The following EEA1 variants were observed in gnomAD, a reference collection of about 807,000 sequenced individuals.
EEA1 encodes early endosome antigen 1.
EEA1 carries 111 observed loss-of-function variants against 209.2 expected under a neutral mutation model. The ratio of observed to expected loss-of-function variants is 0.53; its 90% CI spans 0.45 to 0.62. The LOEUF (loss-of-function observed/expected upper bound fraction) is 0.62. Among genes scored for constraint, EEA1 ranks in the 20% least tolerant of loss-of-function variants. EEA1 has a pLI of 0.00. For synonymous variants in EEA1, 536 were observed against 540.6 expected (o/e 0.99, Z 0.12); for missense variants, 1,343 against 1,530.8 (o/e 0.88, Z 2.05).
chr12:92,819,680 T>C (rs898938528), intron 13 of EEA1, among the ~76,000 whole-genome samples, 169 bp from the exon 14 acceptor site: 9 of 152,192 alleles, frequency 5.9e-5, no homozygotes, highest in Non-Finnish European at 1.2e-4. Context: ...GAACTATATA[T>C]TTAATAATAT....
intron 2 of EEA1, chr12:92,884,076 C>G (rs1879278943): frequency 2.3e-6 from 3 of 1,281,028 alleles, no homozygotes; most frequent in Non-Finnish European, 3.4e-6. Flanking sequence ...CAGGTGCCCA[C>G]TTAACTATGA....
In EEA1 at chr12:92,770,912, T is replaced by C. The variant is rs1227954587; in HGVS notation, c.*5099A>G. On this transcript the variant is annotated 3_prime_UTR_variant, in exon 29 of 29. Coordinates refer to ENST00000322349, the MANE Select transcript of EEA1 (RefSeq NM_003566.4). Reference sequence around the variant, plus strand: ...CTGTTGTGAAGTGTACAGATTTTCATAGACATAGTAAGGTATCTGTCTCTT... The same window carrying C: ...CTGTTGTGAAGTGTACAGATTTTCACAGACATAGTAAGGTATCTGTCTCTT... The C allele has an allele frequency of 1.3e-5, 2 of 152,104 alleles. No individual in the cohort carries two copies. Among genetic ancestry groups the C allele is most frequent in the Non-Finnish European group, 2.9e-5 (2 of 67,970 alleles). The allele number at this position is 152,104 out of a possible 1,614,324, so 9.4% of individuals were successfully genotyped here.
chr12:92,792,118 A>G (rs1013932441), intron 21 of EEA1, among the ~76,000 whole-genome samples: 8 of 152,218 alleles, frequency 5.3e-5, no homozygotes, highest in Non-Finnish European at 1.2e-4. Context: ...GGACACATTT[A>G]AAGCAGTGTG....
chr12:92,839,008 G>A (rs551340100), intron 10 of EEA1, among the ~76,000 whole-genome samples: 5 of 152,036 alleles, frequency 3.3e-5, no homozygotes, highest in Non-Finnish European at 4.4e-5. Flanking sequence ...TTAAAGAATA[G>A]AATTGATAGT....
chr12:92,895,719 T>C (rs111240186), intron 1 of EEA1, among the ~76,000 whole-genome samples: 2,829 of 152,184 alleles, frequency 0.019, 96 homozygotes, highest in African/African-American at 0.063. Context: ...ATAACTACCA[T>C]AGATAGTGAC....
chr12:92,794,902 C>A (rs1333639478), intron 21 of EEA1, among the ~76,000 whole-genome samples: 1 of 151,952 alleles, frequency 6.6e-6, no homozygotes, highest in African/African-American at 2.4e-5. Flanking sequence ...TGCTACTTCC[C>A]CCAATAAATG....
At chr12:92,820,694 T>C (rs944052028) in intron 13 of EEA1, among the ~76,000 whole-genome samples, 4 of 151,912 alleles carry the variant, frequency 2.6e-5, no homozygotes, top group Non-Finnish European at 4.4e-5. Flanking sequence ...AAAACCACCA[T>C]GGTACATGTG....
At chr12:92,804,101 T>C (rs761099721) in intron 18 of EEA1, among the ~76,000 whole-genome samples, 17 of 152,084 alleles carry the variant, frequency 1.1e-4, no homozygotes, top group African/African-American at 1.4e-4. Context: ...GGCAAGAATA[T>C]AGACAATAAG....
At chr12:92,906,161 G>A (rs778171582) in intron 1 of EEA1, among the ~76,000 whole-genome samples, 3 of 150,064 alleles carry the variant, frequency 2.0e-5, no homozygotes, top group African/African-American at 7.4e-5. Context: ...GTGTAATCTC[G>A]GCTCATTGCA....
Position 92,801,647 on chromosome 12 carries a change from G to A in EEA1, c.2725C>T (p.Leu909Phe), listed in dbSNP as rs781270194. ...HQLQVQMENT[L>F]KEQKELKKSL... ...TTTTTCAGTTCCTTCTGTTCCTTAA[G>A]TGTGTTTTCCATCTGCACTTGAAGT... Residue 909 changes from leucine to phenylalanine, a missense_variant, in exon 20 of 29, where the codon CTT becomes TTT. Physicochemically the swap from Leu to Phe is conservative, Grantham distance 22. Coordinates refer to ENST00000322349, the MANE Select transcript of EEA1 (RefSeq NM_003566.4). The A allele has an allele frequency of 2.5e-6, 4 of 1,594,672 alleles. No individual in the cohort carries two copies. The highest frequency in any genetic ancestry group is 1.4e-5 in the African/African-American group (1 of 73,680).
At chr12:92,778,289 G>A (rs983080603) in intron 25 of EEA1, 110 bp from the exon 26 acceptor site, 2 of 779,704 alleles carry the variant, frequency 2.6e-6, no homozygotes, top group African/African-American at 3.5e-5. Context: ...CGGGAATGGA[G>A]GCAGGAGAAC....
intron 1 of EEA1, among the ~76,000 whole-genome samples, 174 bp downstream of exon 1, chr12:92,928,869 C>T (rs2136797465): frequency 6.6e-6 from 1 of 150,916 alleles, no homozygotes; most frequent in South Asian, 2.1e-4. Flanking sequence ...CCCGCCGCGC[C>T]GGCCCCACCC....
chr12:92,908,715 G>T (rs1298987241), intron 1 of EEA1, among the ~76,000 whole-genome samples: 1 of 151,982 alleles, frequency 6.6e-6, no homozygotes, highest in Non-Finnish European at 1.5e-5. Flanking sequence ...AAAAACATTT[G>T]CTAATGTTAA....
chr12:92,852,034 G>T, intron 8 of EEA1, 141 bp downstream of exon 8: 1 of 542,680 alleles, frequency 1.8e-6, no homozygotes, highest in Non-Finnish European at 3.0e-6. Context: ...GAATATATAT[G>T]CAGGTGGTAG....
At chr12:92,865,714 T>TTTTTA (rs79830023) in intron 2 of EEA1, among the ~76,000 whole-genome samples, 3,119 of 142,410 alleles carry the variant, frequency 0.022, 52 homozygotes, top group South Asian at 0.034. Context: ...AACTTTTATT[T>TTTTTA]TTTTATTTTA....
chr12:92,827,147 G>A (rs1045485475), intron 12 of EEA1, among the ~76,000 whole-genome samples: 9 of 152,136 alleles, frequency 5.9e-5, no homozygotes, highest in Non-Finnish European at 1.2e-4. Flanking sequence ...CTTGAGGTCA[G>A]GAGTTCAAGA....
intron 19 of EEA1, among the ~76,000 whole-genome samples, chr12:92,801,952 T>C (rs1294577170): frequency 2.0e-5 from 3 of 152,018 alleles, no homozygotes; most frequent in African/African-American, 7.2e-5. Context: ...ATTAAAATGA[T>C]ATCTTAGAAC....
chr12:92,928,716 AT>A (rs1403919832), intron 1 of EEA1, among the ~76,000 whole-genome samples: 1 of 151,612 alleles, frequency 6.6e-6, no homozygotes, highest in East Asian at 1.9e-4. Context: ...CCAACTCTCC[AT>A]TTTCACTCCC....
intron 17 of EEA1, 107 bp downstream of exon 17, chr12:92,811,172 C>T: frequency 2.6e-6 from 2 of 783,110 alleles, no homozygotes; most frequent in East Asian, 3.3e-5. Flanking sequence ...TATACCACAA[C>T]TTCACCTTTC....
Sources: gnomAD v4.1 joint callset for allele counts (sites outside exome capture counted in the v4.1 genomes callset) on GRCh38, gnomAD v4.1.1 for gene constraint, MANE v1.5 for transcripts, NCBI Gene and HGNC (gene_info 2026-07-23, HGNC 2026-07-21) for gene names.